The following MYO5A variants were observed in gnomAD, a reference collection of about 807,000 sequenced individuals.
MYO5A encodes the protein myosin VA, also known as unconventional myosin-Va.
MYO5A carries 98 observed loss-of-function variants against 249.7 expected under a neutral mutation model. That is an observed-to-expected ratio of 0.39 (90% CI 0.33 to 0.46). MYO5A has a LOEUF of 0.46. MYO5A is among the 20% of genes least tolerant of loss of function. MYO5A has a pLI of 0.98. For missense variants in MYO5A, 1,696 were observed against 2,308.8 expected, an observed-to-expected ratio of 0.73 and a Z score of 5.44; for synonymous variants, 778 against 810.6, an observed-to-expected ratio of 0.96 and a Z score of 0.68.
At chr15:52,436,980 G>GCTTA (rs2075678048) in intron 1 of MYO5A, among the ~76,000 whole-genome samples, 1 of 152,168 alleles carries the variant, frequency 6.6e-6, no homozygotes, top group Non-Finnish European at 1.5e-5. Context: ...TATTGCAAAG[G>GCTTA]CTTACGCACA....
At chr15:52,423,375 A>G (rs960535476) in intron 4 of MYO5A, among the ~76,000 whole-genome samples, 2 of 151,856 alleles carry the variant, frequency 1.3e-5, no homozygotes, top group African/African-American at 4.8e-5. Context: ...ACACAGTGAA[A>G]CCCCGTCTCC....
chr15:52,458,316 C>T (rs1374437236), intron 1 of MYO5A, among the ~76,000 whole-genome samples: 1 of 152,198 alleles, frequency 6.6e-6, no homozygotes, highest in East Asian at 1.9e-4. Context: ...TGGCTCATGC[C>T]TGTAATCCCA....
chr15:52,506,873 T>C (rs75918441), intron 1 of MYO5A, among the ~76,000 whole-genome samples: 2,066 of 152,346 alleles, frequency 0.014, 27 homozygotes, highest in Non-Finnish European at 0.021. Context: ...CTTTCTGCTC[T>C]ACCTTCTTAG....
In MYO5A at chr15:52,416,153, T is replaced by C. The variant is rs760402593; in HGVS notation, c.604A>G (p.Ile202Val). ...VEEKVLASNPIMESIGNAKTT... is the reference protein window; with the variant it reads ...VEEKVLASNPVMESIGNAKTT... The stretch of plus-strand genomic sequence containing the variant: ...AAGACTCGCTGTCTTACCTCCATGA[T>C]GGGGTTGGAGGCCAAGACCTTTTCC... Residue 202 changes from isoleucine (I) to valine (V), a missense_variant, in exon 5 of 42, where the codon ATC becomes GTC. Ile to Val is a conservative substitution (Grantham distance 29, BLOSUM62 3). This residue lies in a region of MYO5A where 197 missense variants were observed against 320.3 expected (regional missense o/e 0.62). Transcript: ENST00000399233. 7.4e-6 allele frequency: 12 copies of C among 1,613,872 alleles called. No individual in the cohort carries two copies. Among genetic ancestry groups the C allele is most frequent in the Non-Finnish European group, 9.3e-6 (11 of 1,179,928 alleles).
chr15:52,512,160 C>CAAA (rs535878540), intron 1 of MYO5A, among the ~76,000 whole-genome samples: 47 of 93,504 alleles, frequency 5.0e-4, no homozygotes, highest in Non-Finnish European at 2.5e-4. Flanking sequence ...AAGACTGTCT[C>CAAA]AAAAAAAAAA....
At chr15:52,446,330 C>T (rs894816079) in intron 1 of MYO5A, among the ~76,000 whole-genome samples, 1 of 152,232 alleles carries the variant, frequency 6.6e-6, no homozygotes, top group East Asian at 1.9e-4. Context: ...TTGAAGAATG[C>T]AAGCCATAAA....
At chr15:52,322,166 T>G (rs1158778186) in intron 37 of MYO5A, among the ~76,000 whole-genome samples, 6 of 152,236 alleles carry the variant, frequency 3.9e-5, no homozygotes, top group African/African-American at 1.4e-4. Context: ...ACTCTGAGGA[T>G]TCTCCCTACA....
At position 52,351,211 on chromosome 15, in the gene MYO5A, G is replaced by A. The variant is rs2039933685; in HGVS notation, c.3849+43C>T. 4.7e-6 allele frequency: 7 copies of A among 1,490,316 alleles called. No homozygotes were observed. In the East Asian group the frequency reaches 1.6e-4, roughly 34 times the overall value. The allele number at this position is 1,490,316 out of a possible 1,614,324, so 92.3% of individuals were successfully genotyped here. A position where few individuals can be genotyped will look rare whatever the true frequency, so the allele number is the denominator to read the frequency against. On this transcript the variant is annotated intron_variant, in intron 28 of 41. Transcript: ENST00000399233. ...AGGGAAGGGATAAGAAGATATTGAGGCCAGTCCCCGAACACCCAGTTTAAT... is the reference window on the plus strand; with the variant it reads ...AGGGAAGGGATAAGAAGATATTGAGACCAGTCCCCGAACACCCAGTTTAAT...
chr15:52,464,755 C>T (rs1456729353), intron 1 of MYO5A, among the ~76,000 whole-genome samples: 1 of 152,210 alleles, frequency 6.6e-6, no homozygotes, highest in Admixed American at 6.5e-5. Context: ...GGATTCATCA[C>T]AGGCTTTTAA....
intron 2 of MYO5A, among the ~76,000 whole-genome samples, chr15:52,432,761 C>T (rs1173734309): frequency 6.6e-6 from 1 of 152,164 alleles, no homozygotes; most frequent in East Asian, 1.9e-4. Context: ...TTCTTCCCCG[C>T]CTTCCTCCCA....
intron 12 of MYO5A, among the ~76,000 whole-genome samples, chr15:52,390,505 G>GTC (rs2042172615): frequency 6.7e-6 from 1 of 150,148 alleles, no homozygotes; most frequent in African/African-American, 2.5e-5. Context: ...ATGGAGAGTA[G>GTC]TCTCCTCTTG....
intron 1 of MYO5A, among the ~76,000 whole-genome samples, chr15:52,485,092 T>TA (rs1176007100): frequency 1.3e-5 from 2 of 152,080 alleles, no homozygotes; most frequent in Non-Finnish European, 2.9e-5. Flanking sequence ...GCAGAGTTAA[T>TA]AATTACAGAA....
In MYO5A at chr15:52,372,148, C is replaced by A; in HGVS notation, c.2793G>T (p.Gln931His). ...CCTGCTCATCAACTTTGCGCTGCAG[C>A]TGCATGATCTTGTTCTCCATGCCGA... ...LHIGMENKIM[Q>H]LQRKVDEQNK... Residue 931 changes from glutamine to histidine, a missense_variant, in exon 21 of 42, where the codon CAG (glutamine) becomes CAT (histidine). Gln to His is a conservative substitution (Grantham distance 24). This residue lies in a region of MYO5A where 412 missense variants were observed against 453.3 expected (regional missense o/e 0.91). Coordinates refer to ENST00000399233, the MANE Select transcript of MYO5A (RefSeq NM_001382347.1). 1 of 1,613,732 alleles carries A rather than the reference C, an allele frequency of 6.2e-7. No individual in the cohort carries two copies. Among genetic ancestry groups the A allele is most frequent in the Non-Finnish European group, 8.5e-7 (1 of 1,180,020 alleles).
chr15:52,419,862 T>G (rs1046949788), intron 4 of MYO5A, among the ~76,000 whole-genome samples: 8 of 152,226 alleles, frequency 5.3e-5, no homozygotes, highest in Non-Finnish European at 2.9e-5. Flanking sequence ...TAATATATAC[T>G]GTATTTTATT....
At chr15:52,315,985 A>C (rs1029504086) in intron 40 of MYO5A, among the ~76,000 whole-genome samples, 1 of 152,124 alleles carries the variant, frequency 6.6e-6, no homozygotes, top group Non-Finnish European at 1.5e-5. Context: ...CTGTAATCCC[A>C]ACACTTTGGG....
At chr15:52,497,756 C>CAA (rs35145185) in intron 1 of MYO5A, among the ~76,000 whole-genome samples, 2,592 of 62,032 alleles carry the variant, frequency 0.042, 141 homozygotes, top group African/African-American at 0.1. Flanking sequence ...GACTCTGTCT[C>CAA]AAAAAAAAAA....
chr15:52,436,021 G>A (rs1386179372), intron 1 of MYO5A, among the ~76,000 whole-genome samples: 3 of 152,168 alleles, frequency 2.0e-5, no homozygotes, highest in African/African-American at 7.2e-5. Context: ...GGGTTCAAGC[G>A]ATTCTCCTGC....
At chr15:52,518,979 A>G (rs1460126351) in intron 1 of MYO5A, among the ~76,000 whole-genome samples, 1 of 152,182 alleles carries the variant, frequency 6.6e-6, no homozygotes, top group Admixed American at 6.5e-5. Flanking sequence ...TGGGATGTAT[A>G]TATACTTCGT....
intron 1 of MYO5A, among the ~76,000 whole-genome samples, chr15:52,493,498 C>T (rs898556707): frequency 6.6e-6 from 1 of 151,988 alleles, no homozygotes; most frequent in African/African-American, 2.4e-5. Flanking sequence ...CTCCGTTCTA[C>T]TAAAAATACA....
Sources: allele counts gnomAD v4.1 joint callset (sites outside exome capture counted in the v4.1 genomes callset), GRCh38; gene constraint gnomAD v4.1.1; regional missense constraint gnomAD v4.1.1; transcripts MANE v1.5; gene names NCBI Gene and HGNC (gene_info 2026-07-23, HGNC 2026-07-21).